ELAVL1: variants seen among roughly 807,000 people sequenced by gnomAD.
The protein encoded by ELAVL1 is ELAV like RNA binding protein 1.
Under a neutral mutation model 28.4 loss-of-function variants are expected in ELAVL1, and 1 was observed. The ratio of observed to expected loss-of-function variants is 0.04; its 90% CI spans 0.01 to 0.17. The LOEUF (loss-of-function observed/expected upper bound fraction) is 0.17, where lower values mean the gene tolerates loss of function less well. Among genes scored for constraint, ELAVL1 ranks in the 10% least tolerant of loss-of-function variants. ELAVL1 has a pLI of 1.00. For missense variants in ELAVL1, 157 were observed against 447.2 expected (o/e 0.35, Z 5.85); for synonymous variants, 174 against 183.5 (o/e 0.95, Z 0.42).
chr19:7,989,221 C>G (rs551787479), intron 2 of ELAVL1, among the ~76,000 whole-genome samples: 37 of 152,300 alleles, frequency 2.4e-4, no homozygotes, highest in African/African-American at 8.7e-4. Flanking sequence ...TTTGCCCACA[C>G]TGGCGGCAGG....
intron 1 of ELAVL1, among the ~76,000 whole-genome samples, chr19:8,004,747 CAGA>C (rs1347082865): frequency 1.3e-5 from 2 of 152,140 alleles, no homozygotes; most frequent in Non-Finnish European, 2.9e-5. Context: ...AGAAGTTGTG[CAGA>C]AGTTCTTCTC....
At chr19:7,983,538 G>A (rs1000398803) in intron 2 of ELAVL1, among the ~76,000 whole-genome samples, 8 of 152,158 alleles carry the variant, frequency 5.3e-5, no homozygotes, top group African/African-American at 1.7e-4. Context: ...TCTTGACCAC[G>A]ACGCCAGCCT....
At chr19:7,986,476 C>T (rs2060322108) in intron 2 of ELAVL1, among the ~76,000 whole-genome samples, 1 of 152,218 alleles carries the variant, frequency 6.6e-6, no homozygotes, top group African/African-American at 2.4e-5. Context: ...GGATGTCGCT[C>T]GTCCCTCACA....
chr19:7,971,732 G>T (rs1225252472), intron 4 of ELAVL1, among the ~76,000 whole-genome samples: 1 of 152,230 alleles, frequency 6.6e-6, no homozygotes, highest in Non-Finnish European at 1.5e-5. Flanking sequence ...AGCTCCCAGG[G>T]CCCCCATGAA....
intron 1 of ELAVL1, among the ~76,000 whole-genome samples, chr19:8,001,592 G>A (rs1224968795): frequency 1.3e-5 from 2 of 151,900 alleles, no homozygotes; most frequent in Non-Finnish European, 2.9e-5. Context: ...TCCCTCTCCT[G>A]TGATTCCTTC....
At position 7,963,122 on chromosome 19, in the gene ELAVL1, T is replaced by C; in HGVS notation, c.*361A>G. ...TAAAACTAAAAGGTGATTTTTTTGC[T>C]ACCCAGTCTGTGGAGACATTGAATG... On this transcript the variant is annotated 3_prime_UTR_variant, in exon 6 of 6. Transcript: ENST00000407627. This position sits in a 1 kb window ranked among gnomAD's most constrained non-coding sequence, Gnocchi z 4.5. 1 of 190,722 alleles carries C rather than the reference T, an allele frequency of 5.2e-6. No homozygotes were observed. The highest frequency in any genetic ancestry group is 1.1e-5 in the Non-Finnish European group (1 of 92,504). The allele number at this position is 190,722 out of a possible 1,614,324, so 11.8% of individuals were successfully genotyped here. A position where few individuals can be genotyped will look rare whatever the true frequency, so the allele number is the denominator to read the frequency against.
At chr19:8,004,255 A>T (rs1004365594) in intron 1 of ELAVL1, among the ~76,000 whole-genome samples, 2 of 152,190 alleles carry the variant, frequency 1.3e-5, no homozygotes, top group Non-Finnish European at 2.9e-5. Context: ...CACCCTCTTC[A>T]ATTTGCACCA....
intron 1 of ELAVL1, among the ~76,000 whole-genome samples, chr19:7,998,609 TAGTGTCC>T (rs2081057124): frequency 6.6e-6 from 1 of 152,180 alleles, no homozygotes; most frequent in African/African-American, 2.4e-5. Flanking sequence ...TGCAGGGCAC[TAGTGTCC>T]TCTCCTTCAC....
intron 2 of ELAVL1, among the ~76,000 whole-genome samples, chr19:7,987,763 C>T (rs1430557622): frequency 6.6e-6 from 1 of 152,248 alleles, no homozygotes; most frequent in East Asian, 1.9e-4. Context: ...AACAAAGCTC[C>T]TCCCTCCAGG....
intron 1 of ELAVL1, among the ~76,000 whole-genome samples, chr19:7,994,658 C>T (rs1309602111): frequency 6.6e-6 from 1 of 152,198 alleles, no homozygotes; most frequent in African/African-American, 2.4e-5. Flanking sequence ...CGCAAGATCA[C>T]CTGCTACTGA....
At chr19:8,000,316 ATGT>A (rs1444475340) in intron 1 of ELAVL1, among the ~76,000 whole-genome samples, 1 of 152,168 alleles carries the variant, frequency 6.6e-6, no homozygotes, top group African/African-American at 2.4e-5. Flanking sequence ...GACATCAGTG[ATGT>A]TGTTCACATC....
Position 7,962,231 on chromosome 19 carries a change from A to T in ELAVL1, c.*1252T>A, listed in dbSNP as rs1984832073. 1 of 153,770 alleles carries T rather than the reference A, an allele frequency of 6.5e-6. No individual in the cohort carries two copies. Among genetic ancestry groups the T allele is most frequent in the Non-Finnish European group, 1.5e-5 (1 of 68,046 alleles). 9.5% of individuals were successfully genotyped at this position (153,770 alleles called of 1,614,324 possible). On this transcript the variant is annotated 3_prime_UTR_variant, in exon 6 of 6. Coordinates refer to ENST00000407627, the MANE Select transcript of ELAVL1 (RefSeq NM_001419.3). ...ATGCTGGGCCACCTGCACCTTCCCTAGCCAAAAAGAAAGAAAAGGTAAAAT... is the reference window on the plus strand; with the variant it reads ...ATGCTGGGCCACCTGCACCTTCCCTTGCCAAAAAGAAAGAAAAGGTAAAAT...
chr19:7,989,209 G>C (rs1424522998), intron 2 of ELAVL1, among the ~76,000 whole-genome samples: 1 of 152,170 alleles, frequency 6.6e-6, no homozygotes, highest in Non-Finnish European at 1.5e-5. Flanking sequence ...CCAGCGAAGA[G>C]GTTTGCCCAC....
Position 7,995,664 on chromosome 19 carries a change from A to C in ELAVL1, c.-16-3833T>G, listed in dbSNP as rs953385012. Among the ~76,000 whole-genome samples, 10 of 152,158 alleles carry C rather than the reference A, an allele frequency of 6.6e-5. No homozygotes were observed. In the South Asian group the frequency reaches 8.3e-4, roughly 13 times the overall value. ...TATTTACCATCTGGCTCTTCACACA[A>C]AAAAAATCTGCCGACCTCTGTTTTA... is the stretch of plus-strand genomic sequence containing the variant. On this transcript the variant is annotated intron_variant, in intron 1 of 5. Transcript: ENST00000407627.
Position 7,962,663 on chromosome 19 carries a change from GAAC to G in ELAVL1, c.*817_*819del, listed in dbSNP as rs1472148554. ...TCTGGAAAACGGGAGAAATTATCGT[GAAC>G]AACAGTATCCAATGTGTGGGGCGCT... On this transcript the variant is annotated 3_prime_UTR_variant, in exon 6 of 6. Transcript: ENST00000407627. 1 of 152,682 alleles carries G rather than the reference GAAC, an allele frequency of 6.5e-6. No homozygotes were observed. Among genetic ancestry groups the G allele is most frequent in the Non-Finnish European group, 1.5e-5 (1 of 68,050 alleles). 9.5% of individuals were successfully genotyped at this position (152,682 alleles called of 1,614,324 possible). A position where few individuals can be genotyped will look rare whatever the true frequency, so the allele number is the denominator to read the frequency against.
intron 4 of ELAVL1, among the ~76,000 whole-genome samples, chr19:7,968,160 G>A (rs963016042): frequency 2.0e-5 from 3 of 152,216 alleles, no homozygotes; most frequent in African/African-American, 7.2e-5. Flanking sequence ...GAGTGGGTGC[G>A]TGGGTGTGGT....
rs1417991347 is a variant in ELAVL1, at chr19:7,962,355, TAACAG to T, written c.*1123_*1127del. ...AAAACACAAAAAAGCAAAAGAAAAT[TAACAG>T]AACAGAACAACCCAAAATGTCAAGG... On this transcript the variant is annotated 3_prime_UTR_variant, in exon 6 of 6. Transcript: ENST00000407627. 6 of 152,774 alleles carry T rather than the reference TAACAG, an allele frequency of 3.9e-5. 1 individual carries two copies. The South Asian group carries it at 6.2e-4, about 16-fold the overall frequency. The allele number at this position is 152,774 out of a possible 1,614,324, so 9.5% of individuals were successfully genotyped here.
At chr19:7,965,771 G>A (rs1376381078) in intron 5 of ELAVL1, among the ~76,000 whole-genome samples, 3 of 152,018 alleles carry the variant, frequency 2.0e-5, no homozygotes, top group Non-Finnish European at 4.4e-5. Flanking sequence ...CCAGGCTAAG[G>A]AGCAGTTCAC....
chr19:7,979,725 G>A lies in ELAVL1; in HGVS notation c.276+1358C>T, dbSNP rs775166545. 1.5e-4 allele frequency among the ~76,000 whole-genome samples: 23 copies of A among 152,272 alleles called. 1 individual carries two copies. Among genetic ancestry groups the A allele is most frequent in the African/African-American group, 5.3e-4 (22 of 41,544 alleles). On this transcript the variant is annotated intron_variant, in intron 3 of 5. Coordinates refer to ENST00000407627, the MANE Select transcript of ELAVL1 (RefSeq NM_001419.3). The surrounding 1 kb of genome is among the most constrained non-coding windows in gnomAD (Gnocchi z 5.4). ...CTGGACACGAGGAGGCAGGAGTGGC[G>A]CGCCTGCCCTCAGGGAGCCCACTGC...
Sources: allele counts gnomAD v4.1 joint callset (sites outside exome capture counted in the v4.1 genomes callset), GRCh38; gene constraint gnomAD v4.1.1; non-coding constraint Gnocchi (gnomAD v3.1); transcripts MANE v1.5; gene names NCBI Gene and HGNC (gene_info 2026-07-23, HGNC 2026-07-21).